UGT2B4: variants seen among roughly 807,000 people sequenced by gnomAD.
UGT2B4 encodes the protein UDP-glucuronosyltransferase 2B4.
Under a neutral mutation model 49.8 loss-of-function variants are expected in UGT2B4, and 49 were observed. The ratio of observed to expected loss-of-function variants is 0.98; its 90% CI spans 0.78 to 1.25. UGT2B4 has a LOEUF of 1.25. UGT2B4 is among the 50% of genes most tolerant of loss of function. The pLI is 0.00. For synonymous variants in UGT2B4, 246 were observed against 217.7 expected (o/e 1.13, Z -1.14); for missense variants, 729 against 627.7 (o/e 1.16, Z -1.73).
At chr4:69,493,871 A>G in intron 1 of UGT2B4, 30 bp from the exon 2 acceptor site, 1 of 1,572,258 alleles carries the variant, frequency 6.4e-7, no homozygotes. Flanking sequence ...GAAAAGATAG[A>G]TGACACAAGA....
At chr4:69,493,326 C>A (rs1728048369) in intron 2 of UGT2B4, among the ~76,000 whole-genome samples, 1 of 152,062 alleles carries the variant, frequency 6.6e-6, no homozygotes, top group African/African-American at 2.4e-5. Flanking sequence ...TATATTCTAT[C>A]TTTCAAAATA....
chr4:69,518,210 TG>T (rs1183957015), intron 1 of UGT2B4: 1 of 154,158 alleles, frequency 6.5e-6, no homozygotes, highest in East Asian at 1.9e-4. Context: ...CCATAGTCAA[TG>T]AAAAAGCCTG....
rs1727795764 is a variant in UGT2B4 at position 69,486,653 on chromosome 4, A to G, written c.1046T>C (p.Leu349Pro). ...TATCCACTTGTACAGCCGAGTATTG[A>G]GTCCTAAAGTATCTGGTTTATTCCC... ...FDGNKPDTLG[L>P]NTRLYKWIPQ... The change falls in exon 4 of 6, where the codon CTC (leucine) becomes CCC (proline). Residue 349 changes from leucine (L) to proline (P), a missense_variant. Leu to Pro is a moderately conservative substitution (Grantham distance 98, BLOSUM62 -3). Coordinates refer to ENST00000305107, the MANE Select transcript of UGT2B4 (RefSeq NM_021139.3). The G allele has an allele frequency of 6.2e-7, 1 of 1,608,658 alleles. No homozygotes were observed. Among genetic ancestry groups the G allele is most frequent in the Admixed American group, 1.7e-5 (1 of 58,592 alleles).
intron 1 of UGT2B4, among the ~76,000 whole-genome samples, chr4:69,515,678 T>C (rs981488656): frequency 2.0e-5 from 3 of 151,966 alleles, no homozygotes; most frequent in Non-Finnish European, 4.4e-5. Flanking sequence ...CTGAAGGAGA[T>C]ACAGACGTGA....
At chr4:69,506,481 A>T (rs1030370825) in intron 1 of UGT2B4, among the ~76,000 whole-genome samples, 1 of 152,184 alleles carries the variant, frequency 6.6e-6, no homozygotes, top group Admixed American at 6.6e-5. Context: ...ATGTAGAATA[A>T]ATGGTTCCTG....
rs2736447 is a variant in UGT2B4 at position 69,487,867 on chromosome 4, T to C, written c.1003-1171A>G. On this transcript the variant is annotated intron_variant, in intron 3 of 5. Transcript: ENST00000305107. ...AACAATTTACTAATGACCTATATGC[T>C]TTTTTAATGTATTTTATGAGTTTTC... is the stretch of plus-strand genomic sequence containing the variant. Among the ~76,000 whole-genome samples the C allele has an allele frequency of 3.7e-3, 557 of 152,272 alleles. 6 individuals are homozygous for C. The highest frequency in any genetic ancestry group is 5.8e-3 in the Non-Finnish European group (393 of 68,000).
intron 1 of UGT2B4, among the ~76,000 whole-genome samples, chr4:69,524,380 C>T (rs34681342): frequency 0.35 from 53,279 of 151,550 alleles, 9,441 homozygotes; most frequent in Non-Finnish European, 0.37. Context: ...TTAACGTTGT[C>T]GTTTCTCAGG....
chr4:69,484,072 T>A (rs767418474), intron 5 of UGT2B4, among the ~76,000 whole-genome samples: 1 of 152,042 alleles, frequency 6.6e-6, no homozygotes, highest in Non-Finnish European at 1.5e-5. Flanking sequence ...TCTCTGGCCA[T>A]AATCAAAATG....
chr4:69,505,837 G>A (rs7657880), intron 1 of UGT2B4, among the ~76,000 whole-genome samples: 31,401 of 151,958 alleles, frequency 0.21, 3,426 homozygotes, highest in Middle Eastern at 0.27. Context: ...TAGAAAACAC[G>A]AAAGAATTGA....
intron 1 of UGT2B4, among the ~76,000 whole-genome samples, chr4:69,524,664 T>C (rs1314496902): frequency 1.3e-5 from 2 of 150,692 alleles, no homozygotes; most frequent in Admixed American, 1.3e-4. Context: ...AATAGATTTG[T>C]TTGATTATAA....
At position 69,489,453 on chromosome 4, in the gene UGT2B4, T is replaced by C; in HGVS notation, c.988A>G (p.Lys330Glu). 1 of 1,611,336 alleles carries C rather than the reference T, an allele frequency of 6.2e-7. No individual in the cohort carries two copies. The highest frequency in any genetic ancestry group is 1.1e-5 in the South Asian group (1 of 91,026). Residue 330 changes from lysine (K) to glutamate (E), a missense_variant, in exon 3 of 6, where the codon AAG (lysine) becomes GAG (glutamate). Coordinates refer to ENST00000305107, the MANE Select transcript of UGT2B4 (RefSeq NM_021139.3). ...RANVIASALAKIPQKVLWRFD... is the reference protein window; with the variant it reads ...RANVIASALAEIPQKVLWRFD... ...TTTTATCTTACCTTTTGTGGGATCT[T>C]GGCAAGGGCTGATGCAATTACATTG... is the stretch of plus-strand genomic sequence containing the variant.
At chr4:69,509,578 T>C (rs1728557261) in intron 1 of UGT2B4, among the ~76,000 whole-genome samples, 1 of 152,214 alleles carries the variant, frequency 6.6e-6, no homozygotes, top group South Asian at 2.1e-4. Flanking sequence ...GGTTCAGATT[T>C]TTCTGATGAT....
chr4:69,499,066 T>C (rs536582950), upstream of UGT2B4, among the ~76,000 whole-genome samples: 8 of 152,312 alleles, frequency 5.3e-5, no homozygotes, highest in East Asian at 1.9e-4. Flanking sequence ...TATTGTCTTT[T>C]TGTTCTCACT....
chr4:69,522,865 T>A (rs996820333), intron 1 of UGT2B4, among the ~76,000 whole-genome samples: 45 of 152,338 alleles, frequency 3.0e-4, no homozygotes, highest in African/African-American at 9.9e-4. Flanking sequence ...TGATCAAGCA[T>A]GTTTATGTAA....
chr4:69,493,620 A>C, intron 2 of UGT2B4, 73 bp downstream of exon 2: 1 of 1,502,342 alleles, frequency 6.7e-7, no homozygotes, highest in Non-Finnish European at 8.8e-7. Flanking sequence ...AGTGTAAGTC[A>C]AACACTTTGA....
At chr4:69,517,307 A>G (rs1728755880) in intron 1 of UGT2B4, among the ~76,000 whole-genome samples, 2 of 152,128 alleles carry the variant, frequency 1.3e-5, no homozygotes, top group African/African-American at 2.4e-5. Flanking sequence ...TCAAAAAAGG[A>G]TTTTCTGAAG....
intron 2 of UGT2B4, among the ~76,000 whole-genome samples, chr4:69,492,546 C>A (rs1728021441): frequency 6.6e-6 from 1 of 151,916 alleles, no homozygotes; most frequent in Non-Finnish European, 1.5e-5. Context: ...ATATAGAAGA[C>A]CATAGGACTT....
At chr4:69,517,082 A>G (rs1728751655) in intron 1 of UGT2B4, among the ~76,000 whole-genome samples, 1 of 152,080 alleles carries the variant, frequency 6.6e-6, no homozygotes, top group African/African-American at 2.4e-5. Context: ...TTCTTTTGGG[A>G]AAACCAAAAT....
intron 1 of UGT2B4, among the ~76,000 whole-genome samples, chr4:69,502,906 C>G (rs1221851884): frequency 1.3e-5 from 2 of 152,234 alleles, no homozygotes; most frequent in Non-Finnish European, 2.9e-5. Flanking sequence ...ACAGGGAACC[C>G]CTGGCTTGGG....
Sources: allele counts gnomAD v4.1 joint callset (sites outside exome capture counted in the v4.1 genomes callset), GRCh38; gene constraint gnomAD v4.1.1; transcripts MANE v1.5; gene names NCBI Gene and HGNC (gene_info 2026-07-23, HGNC 2026-07-21).